The following ARHGEF4 variants were observed in gnomAD, a reference collection of about 807,000 sequenced individuals.
The protein encoded by ARHGEF4 is Rho guanine nucleotide exchange factor 4.
ARHGEF4 carries 119 observed loss-of-function variants against 162.0 expected under a neutral mutation model. The observed-to-expected ratio is 0.73, with a 90% confidence interval of 0.63 to 0.86. ARHGEF4 has a LOEUF of 0.86. Among genes scored for constraint, ARHGEF4 ranks in the 40% least tolerant of loss-of-function variants. The probability of loss-of-function intolerance (pLI) is 0.00; values close to 1 mark genes in which losing one functional copy is unlikely to be tolerated. For synonymous variants in ARHGEF4, 1,014 were observed against 979.9 expected, an observed-to-expected ratio of 1.03 and a Z score of -0.65; for missense variants, 2,488 against 2,456.0, an observed-to-expected ratio of 1.01 and a Z score of -0.28.
intron 1 of ARHGEF4, among the ~76,000 whole-genome samples, chr2:130,905,750 C>T (rs1309340150): frequency 6.6e-6 from 1 of 152,122 alleles, no homozygotes; most frequent in Non-Finnish European, 1.5e-5. Context: ...TATAATTACT[C>T]TTTTTATCAC....
chr2:130,931,345 G>C, intron 3 of ARHGEF4, 88 bp downstream of exon 3: 2 of 1,388,502 alleles, frequency 1.4e-6, no homozygotes, highest in Non-Finnish European at 1.9e-6. Context: ...GCTTTTGCCT[G>C]ACTCTCCTGA....
At chr2:130,890,656 C>T (rs978029912) in intron 1 of ARHGEF4, among the ~76,000 whole-genome samples, 1 of 151,600 alleles carries the variant, frequency 6.6e-6, no homozygotes, top group Non-Finnish European at 1.5e-5. Flanking sequence ...TTCTCTTTGG[C>T]TGTGTCTGAT....
At chr2:130,992,354 C>G (rs890865491) in intron 4 of ARHGEF4, among the ~76,000 whole-genome samples, 2 of 152,122 alleles carry the variant, frequency 1.3e-5, no homozygotes. Flanking sequence ...CTACTGCTCA[C>G]TCTTTGGGTC....
In ARHGEF4 at chr2:130,914,359, AG is replaced by A. The variant is rs1321603199; in HGVS notation, c.415del (p.Asp139MetfsTer137). On this transcript the variant is annotated frameshift_variant, in exon 2 of 14. Coordinates refer to ENST00000409359, the MANE Select transcript of ARHGEF4 (RefSeq NM_001367493.1). LOFTEE classifies it high-confidence loss of function. The part of the protein sequence containing the change: ...KEELDLSPSL[E>X]DDSCKNGWRA... ...GAACTCGATTTGTCCCCTAGCTTAG[AG>A]GATGACTCTTGCAAAAATGGGTGGC... The A allele has an allele frequency of 2.8e-6, 4 of 1,450,742 alleles. No individual in the cohort carries two copies. The highest frequency in any genetic ancestry group is 1.4e-5 in the African/African-American group (1 of 70,184). The allele number at this position is 1,450,742 out of a possible 1,614,324, so 89.9% of individuals were successfully genotyped here.
intron 1 of ARHGEF4, among the ~76,000 whole-genome samples, chr2:130,865,256 T>A (rs565434002): frequency 1.3e-5 from 2 of 152,340 alleles, no homozygotes; most frequent in South Asian, 4.1e-4. Flanking sequence ...TGAGGGACTA[T>A]GGCAGCATCG....
At chr2:130,926,059 T>TC (rs2105089206) in intron 2 of ARHGEF4, among the ~76,000 whole-genome samples, 1 of 115,478 alleles carries the variant, frequency 8.7e-6, no homozygotes, top group African/African-American at 3.0e-5. Context: ...TCTTTCTTTC[T>TC]TTCTTTCTTT....
At chr2:130,882,873 GAC>G (rs1679287945) in intron 1 of ARHGEF4, among the ~76,000 whole-genome samples, 1 of 152,012 alleles carries the variant, frequency 6.6e-6, no homozygotes, top group Non-Finnish European at 1.5e-5. Context: ...TCCCCCGAGG[GAC>G]AGGGACATAG....
chr2:130,957,881 A>G (rs1326843913), intron 4 of ARHGEF4, among the ~76,000 whole-genome samples: 1 of 152,150 alleles, frequency 6.6e-6, no homozygotes, highest in East Asian at 1.9e-4. Flanking sequence ...CCTAACTGTG[A>G]GAAATAAATT....
chr2:130,877,961 T>C (rs1678960093), intron 1 of ARHGEF4, among the ~76,000 whole-genome samples: 1 of 152,154 alleles, frequency 6.6e-6, no homozygotes, highest in Non-Finnish European at 1.5e-5. Context: ...GGTGCTTTAG[T>C]CTTGTTTGAG....
rs1689395091 is a variant in ARHGEF4 at position 131,025,119 on chromosome 2, C to T, written c.3986-2826C>T. 3.3e-5 allele frequency among the ~76,000 whole-genome samples: 5 copies of T among 152,148 alleles called. 1 individual carries two copies. Among genetic ancestry groups the T allele is most frequent in the Admixed American group, 3.3e-4 (5 of 15,270 alleles). ...TTATGAAGGAAAGAGGTTTAATTGG[C>T]TCACAGTTCCACAGGCTTCACAGGA... On this transcript the variant is annotated intron_variant, in intron 4 of 13. Coordinates refer to ENST00000409359, the MANE Select transcript of ARHGEF4 (RefSeq NM_001367493.1).
rs967495199 is a variant in ARHGEF4 at position 130,915,224 on chromosome 2, A to C, written c.1278A>C (p.Glu426Asp). ...CTCCTTCTGCAGGTCTCCTGGGGGAAAACCAGTTAAGACAGGATTCCAGGT... is the reference window on the plus strand; with the variant it reads ...CTCCTTCTGCAGGTCTCCTGGGGGACAACCAGTTAAGACAGGATTCCAGGT... Reference protein sequence around the residue: ...QDTPSAGLLGENQLRQDSRSC... With the variant: ...QDTPSAGLLGDNQLRQDSRSC... The change falls in exon 2 of 14, where the codon GAA becomes GAC. Residue 426 changes from glutamate (E) to aspartate (D), a missense_variant. This residue lies in a region of ARHGEF4 where 1,642 missense variants were observed against 1,481.5 expected (regional missense o/e 1.11). Transcript: ENST00000409359. 6.4e-7 allele frequency: 1 copy of C among 1,550,478 alleles called. No individual in the cohort carries two copies. Among genetic ancestry groups the C allele is most frequent in the Non-Finnish European group, 8.7e-7 (1 of 1,147,014 alleles).
At chr2:130,877,166 G>A (rs1404626711) in intron 1 of ARHGEF4, among the ~76,000 whole-genome samples, 3 of 152,208 alleles carry the variant, frequency 2.0e-5, no homozygotes, top group Non-Finnish European at 4.4e-5. Flanking sequence ...GGGTAAGGGG[G>A]ACGCAGGGGT....
intron 1 of ARHGEF4, among the ~76,000 whole-genome samples, chr2:130,903,046 C>T (rs925293373): frequency 2.0e-5 from 3 of 151,836 alleles, no homozygotes; most frequent in East Asian, 1.9e-4. Flanking sequence ...ACTCATTCAT[C>T]GAGGTTTTTT....
At chr2:130,850,245 G>T (rs550822739) in intron 1 of ARHGEF4, among the ~76,000 whole-genome samples, 3 of 152,202 alleles carry the variant, frequency 2.0e-5, no homozygotes, top group Admixed American at 6.5e-5. Context: ...GTGGGATCAG[G>T]CCTGTCTGTA....
chr2:130,979,396 C>A (rs900497086), intron 4 of ARHGEF4, among the ~76,000 whole-genome samples: 1 of 152,040 alleles, frequency 6.6e-6, no homozygotes, highest in African/African-American at 2.4e-5. Flanking sequence ...CTTCAGGGAA[C>A]CTAATATCCA....
In ARHGEF4 at chr2:130,917,618, C is replaced by T. The variant is rs375941185; in HGVS notation, c.3552+120C>T. On this transcript the variant is annotated intron_variant, in intron 2 of 13. Transcript: ENST00000409359. ...AGGAAGGCCAGGCCAAAATTGCCCC[C>T]GTTACACTCCCAGCCGCCCCCCCTC... 1.0e-4 allele frequency: 132 copies of T among 1,303,042 alleles called. No homozygotes were observed. The Admixed American group carries it at 1.1e-3, about 11-fold the overall frequency. 80.7% of individuals were successfully genotyped at this position (1,303,042 alleles called of 1,614,324 possible).
At chr2:130,927,976 TA>T (rs1327809845) in intron 2 of ARHGEF4, among the ~76,000 whole-genome samples, 1 of 152,192 alleles carries the variant, frequency 6.6e-6, no homozygotes, top group Non-Finnish European at 1.5e-5. Context: ...TTCTTCAGGT[TA>T]TTAATTTTAG....
At chr2:130,899,478 G>A (rs935218279) in intron 1 of ARHGEF4, among the ~76,000 whole-genome samples, 2 of 152,226 alleles carry the variant, frequency 1.3e-5, no homozygotes, top group Non-Finnish European at 2.9e-5. Context: ...ACTGGGAAGG[G>A]GGATGGCCCG....
At chr2:131,042,026 A>G in intron 10 of ARHGEF4, 82 bp downstream of exon 10, 1 of 1,513,200 alleles carries the variant, frequency 6.6e-7, no homozygotes, top group Middle Eastern at 1.9e-4. Flanking sequence ...AAAATCTAGA[A>G]GGGAGCTGAA....
Sources: gnomAD v4.1 joint callset for allele counts (sites outside exome capture counted in the v4.1 genomes callset) on GRCh38, gnomAD v4.1.1 for gene constraint, gnomAD v4.1.1 regional missense constraint, MANE v1.5 for transcripts, NCBI Gene and HGNC (gene_info 2026-07-23, HGNC 2026-07-21) for gene names.